Variants in GCKR observed in about 807,000 individuals in gnomAD.
GCKR encodes glucokinase regulatory protein.
GCKR carries 73 observed loss-of-function variants against 82.9 expected under a neutral mutation model. The ratio of observed to expected loss-of-function variants is 0.88; its 90% CI spans 0.73 to 1.07. GCKR has a LOEUF of 1.07. GCKR is among the 50% of genes least tolerant of loss of function. The pLI is 0.00. For synonymous variants in GCKR, 294 were observed against 291.8 expected (o/e 1.01, Z -0.08); for missense variants, 784 against 782.1 (o/e 1.00, Z -0.03).
At chr2:27,499,284 C>A in intron 6 of GCKR, 76 bp downstream of exon 6, 1 of 1,357,246 alleles carries the variant, frequency 7.4e-7, no homozygotes, top group Non-Finnish European at 1.1e-6. Flanking sequence ...CCCCAGCATT[C>A]AGCCAAAGCC....
chr2:27,506,384 T>C (rs1220985366), intron 10 of GCKR, 97 bp from the exon 11 acceptor site: 6 of 823,902 alleles, frequency 7.3e-6, no homozygotes, highest in Non-Finnish European at 1.3e-5. Context: ...AATTTAGTTC[T>C]AAGGGAGCTG....
chr2:27,504,069 T>G (rs1215729680), intron 9 of GCKR, among the ~76,000 whole-genome samples: 6 of 152,246 alleles, frequency 3.9e-5, no homozygotes. Context: ...CTGTTTTCTC[T>G]TGTTCCTTTT....
intron 16 of GCKR, 23 bp downstream of exon 16, chr2:27,508,274 A>G (rs897526908): frequency 2.1e-6 from 3 of 1,410,192 alleles, no homozygotes; most frequent in Admixed American, 1.7e-5. Flanking sequence ...AGAAGGTCCT[A>G]TCTGCAGTAA....
Position 27,518,901 on chromosome 2 carries a change from C to G in GCKR, c.1536C>G (p.Asn512Lys), listed in dbSNP as rs1356469031. 1 of 1,613,810 alleles carries G rather than the reference C, an allele frequency of 6.2e-7. No homozygotes were observed. The highest frequency in any genetic ancestry group is 1.3e-5 in the African/African-American group (1 of 75,014). ...ACATGTTGGACCTTCGGATTAGCAA[C>G]TCCAAGCTCTTCTGGCGGGCGCTGG... ...QNHMLDLRIS[N>K]SKLFWRALAM... The change falls in exon 17 of 19, where the codon AAC (asparagine) becomes AAG (lysine). Residue 512 changes from asparagine (N) to lysine (K), a missense_variant. By Grantham distance (94) the Asn-to-Lys change is moderately conservative. Transcript: ENST00000264717.
At chr2:27,516,574 C>T (rs1243391670) in intron 16 of GCKR, among the ~76,000 whole-genome samples, 1 of 152,100 alleles carries the variant, frequency 6.6e-6, no homozygotes, top group African/African-American at 2.4e-5. Flanking sequence ...GGATTATAGG[C>T]GTGAGCCACT....
At chr2:27,505,436 AAAG>A (rs1281986451) in intron 9 of GCKR, among the ~76,000 whole-genome samples, 3 of 148,134 alleles carry the variant, frequency 2.0e-5, no homozygotes, top group Non-Finnish European at 4.4e-5. Flanking sequence ...AAAAGAAAAC[AAAG>A]AAAAGAAAAG....
At chr2:27,500,704 A>G (rs1400736230) in intron 7 of GCKR, among the ~76,000 whole-genome samples, 1 of 152,198 alleles carries the variant, frequency 6.6e-6, no homozygotes, top group East Asian at 1.9e-4. Context: ...GGACCTACTG[A>G]GCATTTTAAC....
At chr2:27,497,852 A>G (rs965829552) in intron 3 of GCKR, among the ~76,000 whole-genome samples, 6 of 152,198 alleles carry the variant, frequency 3.9e-5, no homozygotes, top group Non-Finnish European at 8.8e-5. Flanking sequence ...TACCCTCACA[A>G]AAGCCTGTGA....
rs1447680989 is a variant in GCKR at position 27,501,147 on chromosome 2, G to A, written c.562G>A (p.Ala188Thr). ...TCTTCACCATCAGGCTCCCTTTGTG[G>A]CAGGCCAGATGGACTGCTGCATGAA... ...ISVGLSAPFV[A>T]GQMDCCMNNT... The change falls in exon 8 of 19, where the codon GCA becomes ACA. Residue 188 changes from alanine (A) to threonine (T), a missense_variant. Coordinates refer to ENST00000264717, the MANE Select transcript of GCKR (RefSeq NM_001486.4). 6.2e-7 allele frequency: 1 copy of A among 1,613,178 alleles called. No homozygotes were observed. Among genetic ancestry groups the A allele is most frequent in the Non-Finnish European group, 8.5e-7 (1 of 1,179,092 alleles).
chr2:27,519,015 A>T, intron 17 of GCKR, 78 bp downstream of exon 17: 2 of 1,333,340 alleles, frequency 1.5e-6, no homozygotes, highest in Non-Finnish European at 2.2e-6. Context: ...TTTTGTAGAG[A>T]TATGGAAATG....
At chr2:27,499,916 C>G (rs1011953115) in intron 7 of GCKR, among the ~76,000 whole-genome samples, 2 of 151,530 alleles carry the variant, frequency 1.3e-5, no homozygotes, top group Non-Finnish European at 1.5e-5. Context: ...CACCACAATG[C>G]CCGGCTAATT....
intron 2 of GCKR, 58 bp from the exon 3 acceptor site, chr2:27,497,504 C>T (rs1669443882): frequency 1.3e-6 from 2 of 1,561,600 alleles, no homozygotes; most frequent in South Asian, 1.1e-5. Flanking sequence ...CCTGAGACCC[C>T]CTCCCCCATT....
chr2:27,499,384 C>T lies in GCKR; in HGVS notation c.496-13C>T. The T allele has an allele frequency of 6.2e-7, 1 of 1,603,240 alleles. No individual in the cohort carries two copies. Among genetic ancestry groups the T allele is most frequent in the Non-Finnish European group, 8.5e-7 (1 of 1,169,966 alleles). On this transcript the variant is annotated splice_polypyrimidine_tract_variant and intron_variant, in intron 6 of 18. Transcript: ENST00000264717. ...CTCCCAGTTACACTACCTTGTCCATCCTCCTCTCCTAGGTGGCTGCCGGGA... is the reference window on the plus strand; with the variant it reads ...CTCCCAGTTACACTACCTTGTCCATTCTCCTCTCCTAGGTGGCTGCCGGGA...
intron 4 of GCKR, 53 bp from the exon 5 acceptor site, chr2:27,498,671 A>G: frequency 1.8e-6 from 2 of 1,110,434 alleles, no homozygotes; most frequent in African/African-American, 1.5e-5. Flanking sequence ...AAAATCCAAG[A>G]TAATTGTTTC....
At chr2:27,516,342 G>A (rs980406521) in intron 16 of GCKR, among the ~76,000 whole-genome samples, 9 of 137,308 alleles carry the variant, frequency 6.6e-5, no homozygotes, top group Middle Eastern at 4.0e-3. Flanking sequence ...CCAAGTTGGA[G>A]TTCAATGGTA....
Position 27,498,263 on chromosome 2 carries a change from T to TG in GCKR, c.300dup (p.Leu101AlafsTer22), listed in dbSNP as rs752855374. 4.3e-6 allele frequency: 7 copies of TG among 1,612,852 alleles called. No homozygotes were observed. The highest frequency in any genetic ancestry group is 2.7e-5 in the African/African-American group (2 of 74,870). The stretch of plus-strand genomic sequence containing the variant: ...CCTCTTTCCTTCTTCAGGAGCCAGA[T>TG]GGGGGGCTGGTTGTGCTGAGTGGAG... On this transcript the variant is annotated frameshift_variant, in exon 4 of 19. Transcript: ENST00000264717. LOFTEE classifies it high-confidence loss of function.
intron 16 of GCKR, among the ~76,000 whole-genome samples, chr2:27,511,486 C>T (rs1669880731): frequency 6.6e-6 from 1 of 151,230 alleles, no homozygotes. Context: ...CACCTGAGGT[C>T]AAGAGTTCGA....
intron 2 of GCKR, 74 bp from the exon 3 acceptor site, chr2:27,497,488 G>A (rs756046363): frequency 1.1e-5 from 18 of 1,577,894 alleles, no homozygotes; most frequent in African/African-American, 8.1e-5. Context: ...TCCTAATATC[G>A]GAAACCCTGA....
chr2:27,511,765 G>C (rs1271059448), intron 16 of GCKR, among the ~76,000 whole-genome samples: 2 of 151,946 alleles, frequency 1.3e-5, no homozygotes, highest in Non-Finnish European at 2.9e-5. Context: ...ATTTTGTTTT[G>C]TTTTGTTTTC....
Sources: gnomAD v4.1 joint callset for allele counts (sites outside exome capture counted in the v4.1 genomes callset) on GRCh38, gnomAD v4.1.1 for gene constraint, MANE v1.5 for transcripts, NCBI Gene and HGNC (gene_info 2026-07-23, HGNC 2026-07-21) for gene names.